The following CMSS1 variants were observed in gnomAD, a reference collection of about 807,000 sequenced individuals.
CMSS1 encodes cms1 ribosomal small subunit homolog.
In CMSS1, 33 loss-of-function variants were observed where a neutral mutation model predicts 43.5. That is an observed-to-expected ratio of 0.76 (90% CI 0.57 to 1.01). The LOEUF (loss-of-function observed/expected upper bound fraction) is 1.01. CMSS1 is among the 50% of genes least tolerant of loss of function. The pLI, the probability that CMSS1 is intolerant of heterozygous loss-of-function variation, is 0.00. For missense variants in CMSS1, 313 were observed against 326.4 expected, an observed-to-expected ratio of 0.96 and a Z score of 0.32; for synonymous variants, 115 against 117.2, an observed-to-expected ratio of 0.98 and a Z score of 0.12.
chr3:100,167,840 G>C lies in CMSS1; in HGVS notation c.518G>C (p.Arg173Thr), dbSNP rs746833755. ...GCCGTCCGAGCCCTGGAGCTCATTA[G>C]GTTGGAAGGTTCACCTATTCCATAT... ...SSAVRALELI[R>T]SMTAFRGDGK... is the part of the protein sequence containing the mutation. Residue 173 changes from arginine (R) to threonine (T), a missense_variant and splice_region_variant, in exon 6 of 10, where the codon AGG becomes ACG. Physicochemically the swap from Arg to Thr is moderately conservative, Grantham distance 71 (BLOSUM62 -1). Transcript: ENST00000421999. 1.3e-5 allele frequency: 20 copies of C among 1,599,604 alleles called. No homozygotes were observed. The highest frequency in any genetic ancestry group is 1.7e-5 in the Non-Finnish European group (20 of 1,170,296).
intron 1 of CMSS1, among the ~76,000 whole-genome samples, chr3:99,916,753 T>A (rs549427630): frequency 1.3e-5 from 2 of 152,134 alleles, no homozygotes; most frequent in South Asian, 4.1e-4. Context: ...TTGTTCTAAC[T>A]CGAGTCTATG....
At chr3:100,071,037 G>T (rs1200489048) in intron 1 of CMSS1, among the ~76,000 whole-genome samples, 1 of 135,606 alleles carries the variant, frequency 7.4e-6, no homozygotes, top group African/African-American at 2.7e-5. Context: ...AATAAGCCAA[G>T]TTCTTTTTTT....
At chr3:99,824,621 T>A (rs1351745193) in intron 1 of CMSS1, among the ~76,000 whole-genome samples, 1 of 152,248 alleles carries the variant, frequency 6.6e-6, no homozygotes, top group Non-Finnish European at 1.5e-5. Flanking sequence ...AGAACCTTGA[T>A]CTGCTGGCAG....
intron 1 of CMSS1, among the ~76,000 whole-genome samples, chr3:100,116,297 TATTTTTGTG>T (rs989229224): frequency 6.6e-6 from 1 of 152,216 alleles, no homozygotes; most frequent in Non-Finnish European, 1.5e-5. Context: ...TCTCCTCACT[TATTTTTGTG>T]TTTATTTATA....
In CMSS1 at chr3:100,107,877, TAA is replaced by T. The variant is rs11322494; in HGVS notation, c.65-39079_65-39078del. Among the ~76,000 whole-genome samples, 727 of 129,996 alleles carry T rather than the reference TAA, an allele frequency of 5.6e-3. 8 individuals carry two copies. The highest frequency in any genetic ancestry group is 0.018 in the African/African-American group (618 of 34,240). The allele number at this position is 129,996 out of a possible 152,430, so 85.3% of individuals were successfully genotyped here. A position where few individuals can be genotyped will look rare whatever the true frequency, so the allele number is the denominator to read the frequency against. On this transcript the variant is annotated intron_variant, in intron 1 of 9. Transcript: ENST00000421999. ...TTATGGTAGAAGAGAGCAAGAGAAT[TAA>T]AAAAAAAAAAAAAAAAGTTACTTGC...
At chr3:100,003,862 A>G (rs1458179121) in intron 1 of CMSS1, among the ~76,000 whole-genome samples, 1 of 152,170 alleles carries the variant, frequency 6.6e-6, no homozygotes, top group African/African-American at 2.4e-5. Flanking sequence ...CATGAGTTCA[A>G]CTACACCTGC....
At chr3:99,987,988 C>CT (rs1484044615) in intron 1 of CMSS1, among the ~76,000 whole-genome samples, 1 of 152,046 alleles carries the variant, frequency 6.6e-6, no homozygotes, top group Non-Finnish European at 1.5e-5. Flanking sequence ...AAGAATAGCT[C>CT]TTTTTTCTCT....
At chr3:100,009,647 C>A (rs1251929648) in intron 1 of CMSS1, among the ~76,000 whole-genome samples, 1 of 152,264 alleles carries the variant, frequency 6.6e-6, no homozygotes, top group East Asian at 1.9e-4. Flanking sequence ...GCCAAAACAT[C>A]TAAGTGTTAA....
At chr3:100,164,731 G>T (rs1418857649) in intron 4 of CMSS1, among the ~76,000 whole-genome samples, 1 of 152,010 alleles carries the variant, frequency 6.6e-6, no homozygotes. Context: ...TGGGTTATTT[G>T]GAATAGGCTC....
chr3:99,851,847 C>T (rs1250453498), intron 1 of CMSS1, among the ~76,000 whole-genome samples: 2 of 152,182 alleles, frequency 1.3e-5, no homozygotes, highest in Non-Finnish European at 2.9e-5. Context: ...ATCTTATCCT[C>T]ATAGTGGATA....
chr3:99,941,008 A>G (rs562667891), intron 1 of CMSS1, among the ~76,000 whole-genome samples: 5 of 152,370 alleles, frequency 3.3e-5, no homozygotes, highest in African/African-American at 4.8e-5. Flanking sequence ...CCAGCATCTC[A>G]GGTATACTCC....
Position 100,178,354 on chromosome 3 carries a change from G to T in CMSS1, c.806G>T (p.Cys269Phe), listed in dbSNP as rs765582945. ...ELLEMGVLSL[C>F]KSESLKLGLF Reference sequence around the variant, plus strand: ...CTGGAAATGGGAGTGCTCAGTCTGTGCAAGTCAGAATCCTTGAAACTGGGC... The same window carrying T: ...CTGGAAATGGGAGTGCTCAGTCTGTTCAAGTCAGAATCCTTGAAACTGGGC... Residue 269 changes from cysteine (C) to phenylalanine (F), a missense_variant, in exon 10 of 10, where the codon TGC becomes TTC. Transcript: ENST00000421999. 2.5e-6 allele frequency: 4 copies of T among 1,613,252 alleles called. No individual in the cohort carries two copies. The highest frequency in any genetic ancestry group is 2.5e-6 in the Non-Finnish European group (3 of 1,179,308).
chr3:99,848,007 A>T (rs1475233666), intron 1 of CMSS1: 4 of 1,109,114 alleles, frequency 3.6e-6, no homozygotes, highest in Admixed American at 4.5e-5. Flanking sequence ...AAAGTGAGTT[A>T]TGGAAAATGA....
At chr3:100,171,170 C>T (rs1292324438) in intron 6 of CMSS1, among the ~76,000 whole-genome samples, 3 of 152,056 alleles carry the variant, frequency 2.0e-5, no homozygotes, top group African/African-American at 7.2e-5. Flanking sequence ...TCCTTTGTGT[C>T]AGTGGTTTCT....
chr3:100,027,254 G>A (rs7647256), intron 1 of CMSS1, among the ~76,000 whole-genome samples: 140,731 of 152,220 alleles, frequency 0.92, 65,164 homozygotes, highest in African/African-American at 0.98. Context: ...TAGATTCCAC[G>A]TGGATAGGGA....
At chr3:99,834,940 A>T (rs1338802534) in intron 1 of CMSS1, among the ~76,000 whole-genome samples, 1 of 152,152 alleles carries the variant, frequency 6.6e-6, no homozygotes, top group Non-Finnish European at 1.5e-5. Context: ...GAGTAGAGAT[A>T]TTGTGTAATA....
chr3:99,933,787 G>A (rs1289762977), intron 1 of CMSS1, among the ~76,000 whole-genome samples: 1 of 152,104 alleles, frequency 6.6e-6, no homozygotes, highest in East Asian at 1.9e-4. Context: ...CTCACATGGC[G>A]TATCTGACCT....
chr3:99,958,718 C>T (rs1024113313), intron 1 of CMSS1, among the ~76,000 whole-genome samples: 1 of 152,122 alleles, frequency 6.6e-6, no homozygotes, highest in African/African-American at 2.4e-5. Flanking sequence ...GCCAGCAGGG[C>T]TCCTTCAGGG....
intron 1 of CMSS1, among the ~76,000 whole-genome samples, chr3:100,079,351 G>T (rs2065898036): frequency 6.6e-6 from 1 of 152,208 alleles, no homozygotes; most frequent in South Asian, 2.1e-4. Context: ...GGATGGCAAA[G>T]AATTTGTAAC....
Sources: allele counts gnomAD v4.1 joint callset (sites outside exome capture counted in the v4.1 genomes callset), GRCh38; gene constraint gnomAD v4.1.1; transcripts MANE v1.5; gene names NCBI Gene and HGNC (gene_info 2026-07-23, HGNC 2026-07-21).